Variants in BEND6 observed in about 807,000 individuals in gnomAD.
BEND6 encodes BEN domain containing 6.
In BEND6, 24 loss-of-function variants were observed where a neutral mutation model predicts 31.8. The ratio of observed to expected loss-of-function variants is 0.75; its 90% confidence interval spans 0.55 to 1.06. BEND6 has a LOEUF of 1.06. BEND6 is among the 50% of genes least tolerant of loss of function. BEND6 has a pLI of 0.00. For synonymous variants in BEND6, 109 were observed against 114.6 expected, an observed-to-expected ratio of 0.95 and a Z score of 0.31; for missense variants, 294 against 327.4, an observed-to-expected ratio of 0.90 and a Z score of 0.79.
At chr6:57,004,551 C>A in intron 3 of BEND6, 2 of 832,144 alleles carry the variant, frequency 2.4e-6, no homozygotes, top group Non-Finnish European at 4.1e-6. Context: ...ACATGCCCCT[C>A]ACAGGTGCGC....
chr6:56,965,826 CATTGATTCTTGGATCAGA>C (rs1179494992), intron 1 of BEND6, among the ~76,000 whole-genome samples: 29 of 151,786 alleles, frequency 1.9e-4, no homozygotes, highest in Admixed American at 1.4e-3. Flanking sequence ...TATGCATAAG[CATTGATTCTTGGATCAGA>C]ATTACATATT....
At chr6:57,008,199 C>T (rs769927085) in intron 3 of BEND6, 1 of 702,938 alleles carries the variant, frequency 1.4e-6, no homozygotes, top group South Asian at 1.5e-5. Flanking sequence ...AGAGAGCTGC[C>T]TTAGACTCTC....
intron 3 of BEND6, among the ~76,000 whole-genome samples, chr6:57,006,200 G>C (rs1827151537): frequency 6.6e-6 from 1 of 152,202 alleles, no homozygotes; most frequent in Non-Finnish European, 1.5e-5. Context: ...ACTCACCTGA[G>C]TGACAGGTAA....
chr6:56,992,499 TAACA>T lies in BEND6; in HGVS notation c.247_250del (p.Asn83ProfsTer78). On this transcript the variant is annotated frameshift_variant, in exon 3 of 7. Transcript: ENST00000370746. LOFTEE classifies it high-confidence loss of function. The stretch of plus-strand genomic sequence containing the variant: ...AAAATAAAAAGCCTGAAAGAAAAAC[TAACA>T]AACACCCGGAAAGAAAACAGCCGAC... 1 of 1,614,034 alleles carries T rather than the reference TAACA, an allele frequency of 6.2e-7. No homozygotes were observed. The highest frequency in any genetic ancestry group is 1.1e-5 in the South Asian group (1 of 91,068).
intron 3 of BEND6, among the ~76,000 whole-genome samples, chr6:56,998,380 C>T (rs79657543): frequency 0.027 from 4,068 of 152,112 alleles, 71 homozygotes; most frequent in Non-Finnish European, 0.038. Context: ...GGATGGCAAA[C>T]GTGTGTGTGC....
intron 3 of BEND6, among the ~76,000 whole-genome samples, chr6:57,012,821 C>A (rs1256816099): frequency 1.3e-5 from 2 of 152,156 alleles, no homozygotes; most frequent in South Asian, 2.1e-4. Context: ...AGTAAATATT[C>A]TTGTAGTCCC....
chr6:56,990,345 C>G (rs1242663003), intron 2 of BEND6, among the ~76,000 whole-genome samples: 1 of 149,782 alleles, frequency 6.7e-6, no homozygotes, highest in East Asian at 2.0e-4. Flanking sequence ...CTACCAAGCT[C>G]AAGCAATCCT....
intron 1 of BEND6, among the ~76,000 whole-genome samples, chr6:56,962,314 A>G (rs1439086432): frequency 6.6e-6 from 1 of 152,196 alleles, no homozygotes; most frequent in East Asian, 1.9e-4. Context: ...TGTGGACCTC[A>G]ACTCCCTCTC....
intron 1 of BEND6, among the ~76,000 whole-genome samples, chr6:56,956,421 A>C (rs1012860399): frequency 3.9e-5 from 6 of 152,254 alleles, no homozygotes; most frequent in African/African-American, 1.4e-4. Flanking sequence ...TGATGTCCTT[A>C]AAGCCAGTAA....
intron 2 of BEND6, among the ~76,000 whole-genome samples, chr6:56,991,495 T>G (rs1826498394): frequency 6.6e-6 from 1 of 151,970 alleles, no homozygotes; most frequent in African/African-American, 2.4e-5. Flanking sequence ...CCAGAATAGC[T>G]GGACAACAGG....
intron 1 of BEND6, among the ~76,000 whole-genome samples, chr6:56,970,645 T>G (rs1226587579): frequency 6.6e-6 from 1 of 152,232 alleles, no homozygotes; most frequent in Non-Finnish European, 1.5e-5. Context: ...ACTGGTAGTA[T>G]TTAATATATA....
intron 1 of BEND6, among the ~76,000 whole-genome samples, chr6:56,969,503 A>G (rs1328675103): frequency 6.6e-6 from 1 of 152,212 alleles, no homozygotes; most frequent in Non-Finnish European, 1.5e-5. Context: ...TGACCTGAGT[A>G]CTATAAGGGG....
At chr6:56,968,311 T>C (rs1825559402) in intron 1 of BEND6, among the ~76,000 whole-genome samples, 2 of 120,770 alleles carry the variant, frequency 1.7e-5, no homozygotes, top group Admixed American at 1.9e-4. Context: ...TTCTTTCTTT[T>C]CTTTTTTTTT....
Position 56,959,896 on chromosome 6 carries a change from T to C in BEND6, c.-101+4436T>C, listed in dbSNP as rs1394077526. ...AATTAGGTTTTGTTGTTCTATGGGT[T>C]ACCACACTGCCGAAGCCATGATAAT... On this transcript the variant is annotated intron_variant, in intron 1 of 6. Transcript: ENST00000370746. Among the ~76,000 whole-genome samples, 3 of 152,306 alleles carry C rather than the reference T, an allele frequency of 2.0e-5. No individual in the cohort carries two copies. In the East Asian group the frequency reaches 5.8e-4, roughly 29 times the overall value.
chr6:57,018,332 G>A (rs1338076654), intron 5 of BEND6, 89 bp from the exon 6 acceptor site: 9 of 1,378,164 alleles, frequency 6.5e-6, no homozygotes, highest in South Asian at 1.5e-5. Flanking sequence ...AAATTATAAT[G>A]TAGAATACTT....
At chr6:56,985,597 T>C (rs1826235740) in intron 2 of BEND6, among the ~76,000 whole-genome samples, 1 of 152,222 alleles carries the variant, frequency 6.6e-6, no homozygotes, top group Non-Finnish European at 1.5e-5. Flanking sequence ...CATATCCTAT[T>C]GGAGGGAACT....
At chr6:57,013,584 A>G (rs1827422184) in intron 3 of BEND6, among the ~76,000 whole-genome samples, 1 of 152,152 alleles carries the variant, frequency 6.6e-6, no homozygotes, top group Admixed American at 6.5e-5. Context: ...AGGCTATTGC[A>G]TGACTTGGCC....
chr6:57,023,814 A>G (rs1247674303), intron 6 of BEND6, among the ~76,000 whole-genome samples: 1 of 152,116 alleles, frequency 6.6e-6, no homozygotes, highest in Non-Finnish European at 1.5e-5. Context: ...CAGTGTTATT[A>G]TTGATCAGGA....
intron 1 of BEND6, among the ~76,000 whole-genome samples, chr6:56,976,803 G>T (rs889204208): frequency 6.6e-6 from 1 of 152,136 alleles, no homozygotes; most frequent in African/African-American, 2.4e-5. Context: ...GGCCTTAAGT[G>T]ATCCGCCTGC....
Sources: gnomAD v4.1 joint callset for allele counts (sites outside exome capture counted in the v4.1 genomes callset) on GRCh38, gnomAD v4.1.1 for gene constraint, MANE v1.5 for transcripts, NCBI Gene and HGNC (gene_info 2026-07-23, HGNC 2026-07-21) for gene names.